RAP1GAP2: variants seen among roughly 807,000 people sequenced by gnomAD.
The protein encoded by RAP1GAP2 is RAP1 GTPase activating protein 2, also known as rap1 GTPase-activating protein 2.
RAP1GAP2 carries 27 observed loss-of-function variants against 95.0 expected under a neutral mutation model. That is an observed-to-expected ratio of 0.28 (90% CI 0.21 to 0.39). RAP1GAP2 has a LOEUF of 0.39. Among genes scored for constraint, RAP1GAP2 ranks in the 10% least tolerant of loss-of-function variants. The pLI, the probability that RAP1GAP2 is intolerant of heterozygous loss-of-function variation, is 1.00. For synonymous variants in RAP1GAP2, 373 were observed against 380.9 expected (o/e 0.98, Z 0.24); for missense variants, 771 against 970.0 (o/e 0.79, Z 2.72).
chr17:2,770,610 C>T (rs1370746592), intron 2 of RAP1GAP2, among the ~76,000 whole-genome samples: 1 of 152,256 alleles, frequency 6.6e-6, no homozygotes, highest in Non-Finnish European at 1.5e-5. Context: ...AGCCTGGATG[C>T]TTGTCCCACC....
At chr17:2,794,089 C>CAAA (rs397700707), upstream of RAP1GAP2, among the ~76,000 whole-genome samples, 4 of 82,452 alleles carry the variant, frequency 4.9e-5, no homozygotes, top group Admixed American at 1.4e-4. Context: ...CGAGACTCTT[C>CAAA]AAAAAAAAAA....
rs569333438 is a variant in RAP1GAP2, at chr17:2,781,692, CTGTG to C, written c.-14+4419_-14+4422del. On this transcript the variant is annotated intron_variant, in intron 1 of 24. Transcript: ENST00000540393. ...GGCACGTCTCTGTGTGTGCAGGTCT[CTGTG>C]TGTGCACGTCTCTGTGTGAGCACGT... Among the ~76,000 whole-genome samples, 19 of 134,690 alleles carry C rather than the reference CTGTG, an allele frequency of 1.4e-4. No individual in the cohort carries two copies. In the East Asian group the frequency reaches 3.3e-3, roughly 24 times the overall value. 88.4% of individuals were successfully genotyped at this position (134,690 alleles called of 152,430 possible).
At chr17:2,758,171 G>GC (rs35795921) in intron 1 of RAP1GAP2, among the ~76,000 whole-genome samples, 16,308 of 104,398 alleles carry the variant, frequency 0.16, 1,653 homozygotes, top group East Asian at 0.24. Flanking sequence ...GCCTGGCCAC[G>GC]CCCCCCCCCC....
chr17:3,018,818 A>T (rs961159781), intron 18 of RAP1GAP2, among the ~76,000 whole-genome samples: 9 of 152,078 alleles, frequency 5.9e-5, no homozygotes, highest in South Asian at 2.1e-4. Context: ...GAATCCCAGC[A>T]CTTTGGGAGG....
intron 2 of RAP1GAP2, among the ~76,000 whole-genome samples, chr17:2,850,072 T>C (rs940479106): frequency 4.2e-5 from 6 of 142,462 alleles, no homozygotes; most frequent in African/African-American, 1.3e-4. Flanking sequence ...GTGATCTCGG[T>C]TCACTGCAAC....
At chr17:2,957,177 C>A (rs538642588) in intron 3 of RAP1GAP2, among the ~76,000 whole-genome samples, 1 of 151,294 alleles carries the variant, frequency 6.6e-6, no homozygotes, top group African/African-American at 2.4e-5. Flanking sequence ...CTGGAGGCCT[C>A]GGTTCAATGG....
At chr17:3,026,186 C>T in intron 20 of RAP1GAP2, 65 bp downstream of exon 20, 14 of 1,392,684 alleles carry the variant, frequency 1.0e-5, no homozygotes, top group Non-Finnish European at 1.4e-5. Flanking sequence ...CGCCCTCTGC[C>T]TCCTGGCCAG....
At chr17:2,935,901 A>G (rs2043293604) in intron 3 of RAP1GAP2, among the ~76,000 whole-genome samples, 2 of 152,104 alleles carry the variant, frequency 1.3e-5, no homozygotes, top group South Asian at 4.1e-4. Flanking sequence ...AACGCGGCCG[A>G]TCTGGCGGGT....
chr17:3,006,558 C>T (rs549239566), intron 16 of RAP1GAP2, among the ~76,000 whole-genome samples: 29 of 151,944 alleles, frequency 1.9e-4, no homozygotes, highest in Non-Finnish European at 4.0e-4. Context: ...CTCAGCCTCC[C>T]GAGTAGCTGG....
chr17:2,759,965 G>A (rs1326243426), intron 1 of RAP1GAP2, among the ~76,000 whole-genome samples: 1 of 152,150 alleles, frequency 6.6e-6, no homozygotes, highest in Non-Finnish European at 1.5e-5. Context: ...GACCTCCAAA[G>A]AAGTTGTACC....
At chr17:3,012,898 G>A (rs2046610370) in intron 17 of RAP1GAP2, among the ~76,000 whole-genome samples, 1 of 152,220 alleles carries the variant, frequency 6.6e-6, no homozygotes. Context: ...GGTCCGTAAT[G>A]CAATGAAAAG....
intron 2 of RAP1GAP2, among the ~76,000 whole-genome samples, chr17:2,840,405 C>T (rs138379060): frequency 0.16 from 23,651 of 152,080 alleles, 2,008 homozygotes; most frequent in Middle Eastern, 0.2. Flanking sequence ...TCAGGTGATC[C>T]GCCCACCTTG....
In RAP1GAP2 at chr17:2,947,002, G is replaced by A. The variant is rs138591044; in HGVS notation, c.166-10757G>A. Among the ~76,000 whole-genome samples the A allele has an allele frequency of 5.4e-4, 82 of 152,300 alleles. No individual in the cohort carries two copies. The East Asian group carries it at 0.014, about 27-fold the overall frequency. ...ACGCCTGACCCCAGGTGATCCGCCC[G>A]CCTTGGCCTCCCAAAGTGTTGGGAT... On this transcript the variant is annotated intron_variant, in intron 3 of 24. Transcript: ENST00000254695.
chr17:2,778,731 A>G (rs2068567037), intron 1 of RAP1GAP2, among the ~76,000 whole-genome samples: 1 of 152,162 alleles, frequency 6.6e-6, no homozygotes, highest in Non-Finnish European at 1.5e-5. Context: ...ATTCCCCTCA[A>G]TGGGAGCCCG....
chr17:2,992,549 C>T (rs1019161080), intron 12 of RAP1GAP2, among the ~76,000 whole-genome samples: 9 of 152,226 alleles, frequency 5.9e-5, no homozygotes, highest in South Asian at 2.1e-4. Context: ...TGGCCAAGAC[C>T]GCATTTGGGA....
chr17:2,988,292 C>T (rs1400372985), intron 11 of RAP1GAP2, among the ~76,000 whole-genome samples: 1 of 152,076 alleles, frequency 6.6e-6, no homozygotes, highest in African/African-American at 2.4e-5. Flanking sequence ...ACAGCGAGAT[C>T]TCATGTACCC....
At chr17:2,853,240 G>A (rs2071957342) in intron 2 of RAP1GAP2, among the ~76,000 whole-genome samples, 1 of 152,030 alleles carries the variant, frequency 6.6e-6, no homozygotes, top group Admixed American at 6.5e-5. Context: ...CCGGGCCCGG[G>A]AGCTGCGAGC....
intron 2 of RAP1GAP2, among the ~76,000 whole-genome samples, chr17:2,805,759 T>TGC (rs1237439275): frequency 6.6e-6 from 1 of 150,700 alleles, no homozygotes; most frequent in African/African-American, 2.5e-5. Flanking sequence ...CGTGTATGTG[T>TGC]GTGTGTGTGT....
rs143928384 is a variant in RAP1GAP2, at chr17:2,996,795, C to T, written c.1044+1329C>T. On this transcript the variant is annotated intron_variant, in intron 13 of 24. Transcript: ENST00000254695. ...TCTTCCTGAGAAATGGAAAGATGCGCGTGGAGTAAGTGAGGCAATTTGTGT... is the reference window on the plus strand; with the variant it reads ...TCTTCCTGAGAAATGGAAAGATGCGTGTGGAGTAAGTGAGGCAATTTGTGT... 2.0e-3 allele frequency among the ~76,000 whole-genome samples: 307 copies of T among 152,240 alleles called. 1 individual carries two copies. The highest frequency in any genetic ancestry group is 7.0e-3 in the African/African-American group (291 of 41,528).
Sources: allele counts gnomAD v4.1 joint callset (sites outside exome capture counted in the v4.1 genomes callset), GRCh38; gene constraint gnomAD v4.1.1; transcripts MANE v1.5; gene names NCBI Gene and HGNC (gene_info 2026-07-23, HGNC 2026-07-21).